IKBKG: variants seen among roughly 807,000 people sequenced by gnomAD.
The protein encoded by IKBKG is NF-kappa-B essential modulator.
In IKBKG, 2 loss-of-function variants were observed where a neutral mutation model predicts 13.7. The ratio of observed to expected loss-of-function variants is 0.15; its 90% CI spans 0.06 to 0.46. IKBKG has a LOEUF of 0.46. Among genes scored for constraint, IKBKG ranks in the 20% least tolerant of loss-of-function variants. IKBKG has a pLI of 0.98. For synonymous variants in IKBKG, 22 were observed against 64.4 expected, an observed-to-expected ratio of 0.34 and a Z score of 3.15; for missense variants, 53 against 150.3, an observed-to-expected ratio of 0.35 and a Z score of 3.39.
intron 1 of IKBKG, among the ~76,000 whole-genome samples, chrX:154,549,428 C>T (rs896888255): frequency 6.5e-4 from 70 of 107,908 alleles, no homozygotes; most frequent in Non-Finnish European, 7.9e-4. Flanking sequence ...TGCACCATCA[C>T]TCCCAGCTAT....
At chrX:154,546,813 C>G, upstream of IKBKG, 2 of 1,163,061 alleles carry the variant, frequency 1.7e-6, no homozygotes, top group South Asian at 3.8e-5. Flanking sequence ...CGTCGCCCTC[C>G]GCGCTCGCAG....
At chrX:154,543,047 C>T (rs1196043881), upstream of IKBKG, among the ~76,000 whole-genome samples, 15 of 112,140 alleles carry the variant, frequency 1.3e-4, no homozygotes, top group African/African-American at 4.9e-4. Flanking sequence ...GCCTACCTCC[C>T]GCACCGAGTG....
At chrX:154,563,060 T>C (rs1419112941) in intron 7 of IKBKG, 107 bp downstream of exon 7, 2 of 428,970 alleles carry the variant, frequency 4.7e-6, no homozygotes, top group Non-Finnish European at 7.8e-6. Context: ...GTTTTGCTCT[T>C]GTTGCCCAGG....
upstream of IKBKG, chrX:154,545,952 G>C: frequency 8.8e-7 from 1 of 1,138,776 alleles, no homozygotes; most frequent in Non-Finnish European, 1.2e-6. Flanking sequence ...GAGCCTGTGG[G>C]GCCCTGCAAC....
At position 154,551,988 on chromosome X, in the gene IKBKG, C is replaced by A. The variant is rs781881888; in HGVS notation, c.-15C>A. The A allele has an allele frequency of 8.4e-6, 9 of 1,065,889 alleles. No individual in the cohort carries two copies. Among genetic ancestry groups the A allele is most frequent in the Non-Finnish European group, 1.1e-5 (9 of 815,302 alleles). 87.8% of individuals were successfully genotyped at this position (1,065,889 alleles called of 1,213,427 possible). A position where few individuals can be genotyped will look rare whatever the true frequency, so the allele number is the denominator to read the frequency against. On this transcript the variant is annotated splice_region_variant and 5_prime_UTR_variant, in exon 2 of 10. Transcript: ENST00000594239. ...CTCCCCTGCTGCCTTTCTCTTTCAG[C>A]CCTTGCCCTGTTGGATGAATAGGCA...
chrX:154,547,567 T>C, upstream of IKBKG: 2 of 754,506 alleles, frequency 2.7e-6, no homozygotes, highest in Non-Finnish European at 3.1e-6. Flanking sequence ...GCTTCCCGAG[T>C]TCTCGGGGGC....
intron 1 of IKBKG, among the ~76,000 whole-genome samples, chrX:154,542,081 G>A (rs1009033578): frequency 3.6e-5 from 4 of 112,406 alleles, no homozygotes; most frequent in Admixed American, 1.9e-4. Flanking sequence ...TGCTATACCC[G>A]GGGGCTCATG....
At chrX:154,546,135 C>T (rs782089171), upstream of IKBKG, 20 of 1,210,525 alleles carry the variant, frequency 1.7e-5, no homozygotes, top group Non-Finnish European at 2.2e-5. Context: ...GGGTCCGGCT[C>T]AGGGCCACCT....
chrX:154,543,859 AATTTTT>A (rs2070600720), upstream of IKBKG, among the ~76,000 whole-genome samples: 1 of 104,577 alleles, frequency 9.6e-6, no homozygotes, highest in Non-Finnish European at 2.0e-5. Flanking sequence ...ACACCTAACT[AATTTTT>A]GTTATTTTTT....
At chrX:154,547,191 C>T, upstream of IKBKG, 1 of 342,360 alleles carries the variant, frequency 2.9e-6, no homozygotes, top group Non-Finnish European at 3.8e-6. Context: ...CCGGCGGCCT[C>T]GCGCGCTCGC....
intron 2 of IKBKG, 98 bp downstream of exon 2, chrX:154,552,287 G>C (rs2070955670): frequency 2.9e-6 from 2 of 693,689 alleles, no homozygotes; most frequent in Non-Finnish European, 4.1e-6. Flanking sequence ...GGGATGTGCT[G>C]CCCTCCCTCT....
chrX:154,550,816 AT>A (rs1310865944), intron 1 of IKBKG, among the ~76,000 whole-genome samples: 60 of 102,296 alleles, frequency 5.9e-4, no homozygotes, highest in Non-Finnish European at 7.1e-4. Context: ...AATTTTTTGT[AT>A]TTTTTTTTTT....
upstream of IKBKG, chrX:154,546,819 C>A (rs1285329026): frequency 4.3e-6 from 5 of 1,161,156 alleles, no homozygotes; most frequent in African/African-American, 7.2e-5. Flanking sequence ...CCTCCGCGCT[C>A]GCAGCCCCGA....
At chrX:154,551,479 G>A (rs782076195) in intron 1 of IKBKG, among the ~76,000 whole-genome samples, 32 of 111,370 alleles carry the variant, frequency 2.9e-4, no homozygotes, top group Non-Finnish European at 4.0e-4. Context: ...ATAAAGACAC[G>A]TTGTTGGATT....
upstream of IKBKG, among the ~76,000 whole-genome samples, chrX:154,544,850 G>A (rs782326747): frequency 8.9e-6 from 1 of 112,434 alleles, no homozygotes; most frequent in Admixed American, 9.4e-5. Context: ...GTGACAGCGC[G>A]TTGTTCTATG....
At chrX:154,549,514 A>T (rs185343434) in intron 1 of IKBKG, among the ~76,000 whole-genome samples, 2 of 107,335 alleles carry the variant, frequency 1.9e-5, no homozygotes, top group East Asian at 5.8e-4. Flanking sequence ...TCCTGACCTC[A>T]AGTGATCCAC....
intron 2 of IKBKG, among the ~76,000 whole-genome samples, chrX:154,553,414 G>C (rs1441424452): frequency 1.8e-5 from 2 of 112,795 alleles, no homozygotes; most frequent in South Asian, 7.2e-4. Context: ...GACACCCCGT[G>C]GGCAGAGACA....
At chrX:154,548,408 G>A (rs371858780) in intron 1 of IKBKG, among the ~76,000 whole-genome samples, 3 of 112,569 alleles carry the variant, frequency 2.7e-5, no homozygotes, top group South Asian at 3.7e-4. Flanking sequence ...TCTAGCAGTG[G>A]TGGGGAGAAC....
intron 6 of IKBKG, 98 bp from the exon 7 acceptor site, chrX:154,562,712 T>G: frequency 1.5e-5 from 3 of 201,364 alleles, no homozygotes; most frequent in Non-Finnish European, 2.4e-5. Context: ...TCACCCAGCC[T>G]GGTCAGCCAG....
Sources: gnomAD v4.1 joint callset for allele counts (sites outside exome capture counted in the v4.1 genomes callset) on GRCh38, gnomAD v4.1.1 for gene constraint, MANE v1.5 for transcripts, NCBI Gene and HGNC (gene_info 2026-07-23, HGNC 2026-07-21) for gene names.